Variants in PLCL2 observed in about 807,000 individuals in gnomAD.
The protein encoded by PLCL2 is inactive phospholipase C-like protein 2.
Under a neutral mutation model 79.6 loss-of-function variants are expected in PLCL2, and 4 were observed. The ratio of observed to expected loss-of-function variants is 0.05; its 90% CI spans 0.02 to 0.11. PLCL2 has a LOEUF of 0.11. Among genes scored for constraint, PLCL2 ranks in the 10% least tolerant of loss-of-function variants. The pLI is 1.00. For missense variants in PLCL2, 895 were observed against 1,291.0 expected (o/e 0.69, Z 4.70); for synonymous variants, 484 against 457.7 (o/e 1.06, Z -0.73).
chr3:17,062,803 C>G (rs993604394), intron 4 of PLCL2, among the ~76,000 whole-genome samples: 3 of 152,106 alleles, frequency 2.0e-5, no homozygotes, highest in African/African-American at 7.2e-5. Flanking sequence ...GAAAAAAAAT[C>G]CCAGTTCTTA....
At chr3:16,896,587 G>A (rs1006305993) in intron 1 of PLCL2, among the ~76,000 whole-genome samples, 3 of 152,214 alleles carry the variant, frequency 2.0e-5, no homozygotes, top group Non-Finnish European at 4.4e-5. Flanking sequence ...TGGAGCACCT[G>A]CTCTTCACAT....
At chr3:17,077,108 C>CT (rs1178851428) in intron 5 of PLCL2, among the ~76,000 whole-genome samples, 1 of 152,222 alleles carries the variant, frequency 6.6e-6, no homozygotes, top group Admixed American at 6.5e-5. Flanking sequence ...CTGCTGGGCT[C>CT]TGTTTGAGTT....
chr3:17,048,901 A>G (rs1016086736), intron 4 of PLCL2, among the ~76,000 whole-genome samples: 1 of 152,220 alleles, frequency 6.6e-6, no homozygotes, highest in South Asian at 2.1e-4. Context: ...GCTCCCAAGA[A>G]GCAGAGAAGA....
intron 1 of PLCL2, among the ~76,000 whole-genome samples, chr3:16,997,505 C>T (rs1412515982): frequency 6.6e-6 from 1 of 151,544 alleles, no homozygotes; most frequent in African/African-American, 2.4e-5. Context: ...CTAATTGTCC[C>T]CCTCCACATA....
intron 1 of PLCL2, among the ~76,000 whole-genome samples, chr3:16,964,909 G>T (rs78836430): frequency 0.57 from 85,842 of 151,258 alleles, 24,502 homozygotes; most frequent in South Asian, 0.64. Context: ...CATTGTAGAT[G>T]CTGGATATTA....
chr3:16,980,465 G>A (rs1370404865), intron 1 of PLCL2, among the ~76,000 whole-genome samples: 5 of 151,224 alleles, frequency 3.3e-5, no homozygotes, highest in Non-Finnish European at 5.9e-5. Flanking sequence ...CAGACGGGGC[G>A]GCCGGGCAGA....
intron 1 of PLCL2, among the ~76,000 whole-genome samples, chr3:16,897,226 G>C (rs1439285232): frequency 2.0e-5 from 3 of 151,386 alleles, no homozygotes; most frequent in Non-Finnish European, 4.4e-5. Context: ...TGGAGAAATA[G>C]ATTTTATATG....
chr3:17,006,795 T>C (rs1288885037), intron 1 of PLCL2, among the ~76,000 whole-genome samples: 1 of 152,226 alleles, frequency 6.6e-6, no homozygotes, highest in Non-Finnish European at 1.5e-5. Flanking sequence ...CACAGTGTGG[T>C]GTTTAAGCTG....
intron 3 of PLCL2, among the ~76,000 whole-genome samples, chr3:17,041,834 C>G (rs1256040321): frequency 1.3e-5 from 2 of 151,980 alleles, no homozygotes; most frequent in African/African-American, 2.4e-5. Context: ...GTCCCAGCTA[C>G]CTGGGAGATG....
chr3:17,047,132 C>A (rs969449357), intron 4 of PLCL2, among the ~76,000 whole-genome samples: 1 of 152,140 alleles, frequency 6.6e-6, no homozygotes, highest in African/African-American at 2.4e-5. Context: ...TTATTTGGTT[C>A]TTTACGTACA....
chr3:17,071,641 T>C (rs2065061596), intron 5 of PLCL2, among the ~76,000 whole-genome samples: 1 of 152,168 alleles, frequency 6.6e-6, no homozygotes, highest in Non-Finnish European at 1.5e-5. Context: ...TAAGTCATAC[T>C]TTTTTTCACA....
At chr3:17,071,992 A>T (rs979951887) in intron 5 of PLCL2, among the ~76,000 whole-genome samples, 1 of 151,982 alleles carries the variant, frequency 6.6e-6, no homozygotes, top group Non-Finnish European at 1.5e-5. Context: ...ATGCCCAGCT[A>T]ATTTTTGTAT....
chr3:17,086,527 G>C (rs2065221891), intron 5 of PLCL2, among the ~76,000 whole-genome samples: 1 of 152,182 alleles, frequency 6.6e-6, no homozygotes, highest in Non-Finnish European at 1.5e-5. Flanking sequence ...GGATATGGCA[G>C]TGCTTTTTCA....
intron 1 of PLCL2, among the ~76,000 whole-genome samples, chr3:16,899,033 G>A (rs1696557458): frequency 6.6e-6 from 1 of 152,258 alleles, no homozygotes; most frequent in Non-Finnish European, 1.5e-5. Flanking sequence ...TCAGGAGGTT[G>A]TGCTTCAAAA....
At chr3:17,024,574 G>A (rs1575592485) in intron 3 of PLCL2, among the ~76,000 whole-genome samples, 1 of 152,176 alleles carries the variant, frequency 6.6e-6, no homozygotes, top group Non-Finnish European at 1.5e-5. Context: ...GATTGTGATT[G>A]TCCTCTTTGT....
chr3:17,071,636 C>G (rs2065061490), intron 5 of PLCL2, among the ~76,000 whole-genome samples: 1 of 152,020 alleles, frequency 6.6e-6, no homozygotes, highest in Non-Finnish European at 1.5e-5. Context: ...GATTCTAAGT[C>G]ATACTTTTTT....
At position 16,947,148 on chromosome 3, in the gene PLCL2, G is replaced by A. The variant is rs908993853; in HGVS notation, c.327+61782G>A. 6.6e-4 allele frequency among the ~76,000 whole-genome samples: 99 copies of A among 150,868 alleles called. 1 individual carries two copies. Among genetic ancestry groups the A allele is most frequent in the African/African-American group, 2.3e-3 (93 of 41,152 alleles). Reference sequence around the variant, plus strand: ...TTTTATTTTTTTTTTTTTAGAGACAGGGTCTCACTCAGGCTGGCCTCAAAC... The same window carrying A: ...TTTTATTTTTTTTTTTTTAGAGACAAGGTCTCACTCAGGCTGGCCTCAAAC... On this transcript the variant is annotated intron_variant, in intron 1 of 5. Transcript: ENST00000615277.
chr3:16,940,348 A>G (rs1351823965), intron 1 of PLCL2, among the ~76,000 whole-genome samples: 2 of 152,176 alleles, frequency 1.3e-5, no homozygotes, highest in East Asian at 3.8e-4. Context: ...AAAAAAGTTC[A>G]ACTCTCTCTC....
intron 5 of PLCL2, among the ~76,000 whole-genome samples, chr3:17,068,363 A>G (rs1360251976): frequency 7.9e-5 from 12 of 152,220 alleles, no homozygotes. Context: ...GCCAGTTGCT[A>G]TATGTAAAAT....
Sources: allele counts gnomAD v4.1 joint callset (sites outside exome capture counted in the v4.1 genomes callset), GRCh38; gene constraint gnomAD v4.1.1; transcripts MANE v1.5; gene names NCBI Gene and HGNC (gene_info 2026-07-23, HGNC 2026-07-21).